Variants in GPATCH8 observed in about 807,000 individuals in gnomAD.
GPATCH8 encodes the protein G-patch domain containing 8.
A neutral mutation model predicts 118.3 loss-of-function variants in GPATCH8; 18 were observed. That is an observed-to-expected ratio of 0.15 (90% CI 0.11 to 0.23). GPATCH8 has a LOEUF of 0.23. Among genes scored for constraint, GPATCH8 ranks in the 10% least tolerant of loss-of-function variants. The pLI is 1.00. For synonymous variants in GPATCH8, 659 were observed against 684.7 expected (o/e 0.96, Z 0.59); for missense variants, 1,631 against 1,873.8 (o/e 0.87, Z 2.39).
At chr17:44,452,290 G>GAAAAAAAAAAAAAAAAAAAAAA (rs781273009) in intron 3 of GPATCH8, among the ~76,000 whole-genome samples, 1 of 107,242 alleles carries the variant, frequency 9.3e-6, no homozygotes, top group African/African-American at 3.6e-5. Flanking sequence ...AAAAAAAAAA[G>GAAAAAAAAAAAAAAAAAAAAAA]AAAAAAAAAA....
At chr17:44,493,621 C>T (rs1282515193) in intron 1 of GPATCH8, among the ~76,000 whole-genome samples, 1 of 152,222 alleles carries the variant, frequency 6.6e-6, no homozygotes, top group East Asian at 1.9e-4. Context: ...GGCTCGATGG[C>T]GTGCACCTGT....
At chr17:44,425,786 C>T (rs2050069990) in intron 5 of GPATCH8, among the ~76,000 whole-genome samples, 2 of 152,158 alleles carry the variant, frequency 1.3e-5, no homozygotes, top group Admixed American at 1.3e-4. Context: ...ACCTTGGACT[C>T]CCAAAGTGAT....
rs756700897 is a variant in GPATCH8 at position 44,399,053 on chromosome 17, T to C, written c.3024A>G (p.Arg1008=). Residue 1008 remains arginine, a synonymous_variant, in exon 8 of 8, where the codon AGA becomes AGG. Coordinates refer to ENST00000591680, the MANE Select transcript of GPATCH8 (RefSeq NM_001002909.4). ...CCTCAGGGCTCTCGTGACCCCATGA[T>C]CTCTTCCTGGAGCCTGATCTCTGGG... ...SPSQRSGSRK[R]SWGHESPEER... is the part of the protein sequence containing the mutation. 1 of 1,614,064 alleles carries C rather than the reference T, an allele frequency of 6.2e-7. No individual in the cohort carries two copies. The highest frequency in any genetic ancestry group is 1.7e-5 in the Admixed American group (1 of 60,014).
rs1211370904 is a variant in GPATCH8, at chr17:44,414,131, ATATATATATATGTG to A, written c.493-8094_493-8081del. 0.011 allele frequency among the ~76,000 whole-genome samples: 291 copies of A among 26,586 alleles called. 12 individuals are homozygous for A. In the South Asian group the frequency reaches 0.13, roughly 12 times the overall value. 17.4% of individuals were successfully genotyped at this position (26,586 alleles called of 152,430 possible). ...TATATATATATGTATATATATGTGT[ATATATATATATGTG>A]TATATATATATGTGTATATATATAT... On this transcript the variant is annotated intron_variant, in intron 6 of 7. Coordinates refer to ENST00000591680, the MANE Select transcript of GPATCH8 (RefSeq NM_001002909.4).
intron 6 of GPATCH8, among the ~76,000 whole-genome samples, chr17:44,406,434 G>A (rs1395095776): frequency 7.8e-6 from 1 of 128,750 alleles, no homozygotes; most frequent in Non-Finnish European, 1.6e-5. Flanking sequence ...AACAGAAAGG[G>A]GTTAGGCTAG....
At chr17:44,401,475 T>C (rs752925154) in intron 7 of GPATCH8, 22 bp from the exon 8 acceptor site, 3 of 1,513,030 alleles carry the variant, frequency 2.0e-6, no homozygotes, top group East Asian at 2.3e-5. Flanking sequence ...TTTAGAAAAA[T>C]AAAAAACAAA....
At chr17:44,464,868 C>T in intron 2 of GPATCH8, 2 of 315,628 alleles carry the variant, frequency 6.3e-6, no homozygotes, top group South Asian at 3.2e-5. Context: ...TAAAATAACA[C>T]TAAAAAGCAT....
chr17:44,398,124 T>G lies in GPATCH8; in HGVS notation c.3953A>C (p.Glu1318Ala). The G allele has an allele frequency of 1.2e-6, 2 of 1,613,866 alleles. No homozygotes were observed. Among genetic ancestry groups the G allele is most frequent in the Non-Finnish European group, 1.7e-6 (2 of 1,179,848 alleles). The part of the protein sequence containing the change: ...QPITFTPEEM[E>A]KYSKLQQAAQ... ...AGCCTGCTGGAGCTTGCTGTACTTC[T>G]CCATCTCCTCAGGGGTGAAGGTGAT... Residue 1318 changes from glutamate to alanine, a missense_variant, in exon 8 of 8, where the codon GAG becomes GCG. Glu to Ala is a moderately radical substitution (Grantham distance 107). Transcript: ENST00000591680.
chr17:44,400,761 G>A lies in GPATCH8; in HGVS notation c.1316C>T (p.Ser439Phe), dbSNP rs1215285335. ...CTTGATGCAGCTTTTAGGCTTGGGA[G>A]AACTGCCTTTTTTACTCTCTGGGGC... ...KNAPESKKGS[S>F]PKPKSCIKAA... The change falls in exon 8 of 8, where the codon TCT (serine) becomes TTT (phenylalanine). Residue 439 changes from serine to phenylalanine, a missense_variant. Physicochemically the swap from Ser to Phe is radical, Grantham distance 155 (BLOSUM62 -2). This residue lies in a region of GPATCH8 where 405 missense variants were observed against 462.7 expected (regional missense o/e 0.88). Transcript: ENST00000591680. The A allele has an allele frequency of 6.2e-7, 1 of 1,613,890 alleles. No homozygotes were observed. Among genetic ancestry groups the A allele is most frequent in the East Asian group, 2.2e-5 (1 of 44,884 alleles).
chr17:44,480,536 A>G (rs1218159394), intron 1 of GPATCH8, among the ~76,000 whole-genome samples: 1 of 152,010 alleles, frequency 6.6e-6, no homozygotes, highest in Non-Finnish European at 1.5e-5. Flanking sequence ...ACCAACATGG[A>G]GAAACCTCGT....
intron 3 of GPATCH8, among the ~76,000 whole-genome samples, chr17:44,449,769 T>C (rs947335531): frequency 6.6e-6 from 1 of 152,154 alleles, no homozygotes; most frequent in African/African-American, 2.4e-5. Flanking sequence ...CGCCTCAGCC[T>C]CCCAGAGTGC....
intron 6 of GPATCH8, among the ~76,000 whole-genome samples, chr17:44,421,016 A>G (rs965270537): frequency 6.6e-6 from 1 of 151,778 alleles, no homozygotes; most frequent in African/African-American, 2.4e-5. Flanking sequence ...ACGCCTGGCT[A>G]ATTTTTTTTA....
intron 1 of GPATCH8, among the ~76,000 whole-genome samples, chr17:44,483,705 G>A (rs543847399): frequency 6.6e-6 from 1 of 151,710 alleles, no homozygotes; most frequent in South Asian, 2.1e-4. Flanking sequence ...GCTGTGGCAC[G>A]ATCTCAACTC....
rs1367895961 is a variant in GPATCH8, at chr17:44,400,275, T to C, written c.1802A>G (p.Asp601Gly). 6.2e-7 allele frequency: 1 copy of C among 1,614,098 alleles called. No homozygotes were observed. The highest frequency in any genetic ancestry group is 2.2e-5 in the East Asian group (1 of 44,886). Reference sequence around the variant, plus strand: ...ACCAGGATCTAGGCCTTGGAGATGGTCCTTTGAGGAGCTTCCTATATCCTT... The same window carrying C: ...ACCAGGATCTAGGCCTTGGAGATGGCCCTTTGAGGAGCTTCCTATATCCTT... The part of the protein sequence containing the change: ...KPKDIGSSSK[D>G]HLQGLDPGEP... Residue 601 changes from aspartate (D) to glycine (G), a missense_variant, in exon 8 of 8, where the codon GAC becomes GGC. Physicochemically the swap from Asp to Gly is moderately conservative, Grantham distance 94. Transcript: ENST00000591680.
chr17:44,476,441 G>A (rs1256337663), intron 1 of GPATCH8, among the ~76,000 whole-genome samples: 3 of 152,128 alleles, frequency 2.0e-5, no homozygotes, highest in Non-Finnish European at 2.9e-5. Flanking sequence ...CTGAGCTCAG[G>A]CAATCCGCCC....
At chr17:44,456,852 A>G (rs764945617) in intron 3 of GPATCH8, among the ~76,000 whole-genome samples, 2 of 151,902 alleles carry the variant, frequency 1.3e-5, no homozygotes, top group Non-Finnish European at 2.9e-5. Flanking sequence ...TTTGAATAGT[A>G]ATACAAGTAC....
intron 1 of GPATCH8, among the ~76,000 whole-genome samples, chr17:44,480,251 A>G (rs1337071993): frequency 6.6e-6 from 1 of 152,074 alleles, no homozygotes; most frequent in East Asian, 1.9e-4. Context: ...CTAGAATCAC[A>G]ATGTATTACC....
At chr17:44,471,918 T>C (rs1268263925) in intron 2 of GPATCH8, among the ~76,000 whole-genome samples, 1 of 150,484 alleles carries the variant, frequency 6.6e-6, no homozygotes, top group Non-Finnish European at 1.5e-5. Flanking sequence ...CACTTAAAAT[T>C]TTACTCACAA....
intron 1 of GPATCH8, among the ~76,000 whole-genome samples, chr17:44,492,341 G>A (rs1321724338): frequency 6.7e-6 from 1 of 149,304 alleles, no homozygotes; most frequent in Non-Finnish European, 1.5e-5. Flanking sequence ...ACTTTGGGAG[G>A]CCGAGGCGGG....
Sources: allele counts gnomAD v4.1 joint callset (sites outside exome capture counted in the v4.1 genomes callset), GRCh38; gene constraint gnomAD v4.1.1; regional missense constraint gnomAD v4.1.1; transcripts MANE v1.5; gene names NCBI Gene and HGNC (gene_info 2026-07-23, HGNC 2026-07-21).